GON4L: variants seen among roughly 807,000 people sequenced by gnomAD.
GON4L encodes GON-4-like protein.
In GON4L, 87 loss-of-function variants were observed where a neutral mutation model predicts 211.8. The observed-to-expected ratio is 0.41, with a 90% CI of 0.35 to 0.49. The LOEUF (loss-of-function observed/expected upper bound fraction) is 0.49, where lower values mean the gene tolerates loss of function less well. Among genes scored for constraint, GON4L ranks in the 20% least tolerant of loss-of-function variants. GON4L has a pLI of 0.15. For missense variants in GON4L, 2,155 were observed against 2,659.5 expected (o/e 0.81, Z 4.17); for synonymous variants, 875 against 962.6 (o/e 0.91, Z 1.68).
rs3738584 is a variant in GON4L, at chr1:155,814,263, C to T, written c.1281+67G>A. ...AGAATCACCATGGATAAATAATCTA[C>T]TTATACAGTTAAAAAATCTACTTAG... On this transcript the variant is annotated intron_variant, in intron 9 of 31. Coordinates refer to ENST00000368331, the MANE Select transcript of GON4L (RefSeq NM_001282860.2). 119 of 1,411,248 alleles carry T rather than the reference C, an allele frequency of 8.4e-5. No homozygotes were observed. In the East Asian group the frequency reaches 2.6e-3, roughly 31 times the overall value. The allele number at this position is 1,411,248 out of a possible 1,614,324, so 87.4% of individuals were successfully genotyped here.
At position 155,786,691 on chromosome 1, in the gene GON4L, C is replaced by T. The variant is rs543907091; in HGVS notation, c.1748-1317G>A. ...GTAAAGCTGAAAGGGACTGCCAATC[C>T]AACAGACGGAAAATTCAAAATTATA... On this transcript the variant is annotated intron_variant, in intron 12 of 31. Transcript: ENST00000368331. Among the ~76,000 whole-genome samples the T allele has an allele frequency of 1.7e-4, 26 of 152,272 alleles. No homozygotes were observed. In the East Asian group the frequency reaches 5.0e-3, roughly 29 times the overall value.
chr1:155,845,722 C>T (rs1571928203), intron 2 of GON4L: 1 of 295,192 alleles, frequency 3.4e-6, no homozygotes, highest in East Asian at 8.9e-5. Flanking sequence ...ACTGCCGTAA[C>T]TCAGTATTGG....
chr1:155,812,704 C>T (rs758885685), intron 10 of GON4L, among the ~76,000 whole-genome samples: 15 of 151,906 alleles, frequency 9.9e-5, no homozygotes, highest in Non-Finnish European at 1.6e-4. Context: ...TACAGGCATG[C>T]GCCACGACAC....
intron 11 of GON4L, among the ~76,000 whole-genome samples, chr1:155,797,625 C>G (rs1382145246): frequency 6.6e-6 from 1 of 150,756 alleles, no homozygotes; most frequent in Non-Finnish European, 1.5e-5. Flanking sequence ...GGGAAGATCA[C>G]TTGAGGTCAG....
At chr1:155,837,374 C>G (rs1571907231) in intron 2 of GON4L, among the ~76,000 whole-genome samples, 1 of 151,680 alleles carries the variant, frequency 6.6e-6, no homozygotes, top group East Asian at 1.9e-4. Flanking sequence ...AAGGACACGC[C>G]CTGAACAACA....
intron 11 of GON4L, among the ~76,000 whole-genome samples, chr1:155,796,444 A>G (rs1286309650): frequency 6.6e-6 from 1 of 151,810 alleles, no homozygotes; most frequent in African/African-American, 2.4e-5. Context: ...CGCCCGGCTA[A>G]TTTTTCTATT....
chr1:155,751,908 A>G, intron 30 of GON4L, 39 bp from the exon 31 acceptor site: 3 of 1,612,762 alleles, frequency 1.9e-6, no homozygotes, highest in Non-Finnish European at 1.7e-6. Context: ...AGGGAGCCAC[A>G]TGGATGTGGT....
chr1:155,774,628 A>G (rs1663586032), intron 17 of GON4L, among the ~76,000 whole-genome samples: 2 of 152,138 alleles, frequency 1.3e-5, no homozygotes, highest in Non-Finnish European at 1.5e-5. Flanking sequence ...TAATGAAGAC[A>G]GTAAAAAGCT....
At chr1:155,840,444 T>C (rs1670667006) in intron 2 of GON4L, among the ~76,000 whole-genome samples, 1 of 152,192 alleles carries the variant, frequency 6.6e-6, no homozygotes, top group Non-Finnish European at 1.5e-5. Flanking sequence ...AATCCTAGCT[T>C]GATTGTCTGG....
chr1:155,763,483 C>G lies in GON4L; in HGVS notation c.4555G>C (p.Glu1519Gln), dbSNP rs1165250221. ...TCTTCTTCTGGCTCAGAGTTCTCCT[C>G]CTGAGAATTCTCTTCTTCAGACTCA... is the stretch of plus-strand genomic sequence containing the variant. ...EGESEEENSQEENSEPEEEEE... is the reference protein window; with the variant it reads ...EGESEEENSQQENSEPEEEEE... The change falls in exon 22 of 32, where the codon GAG becomes CAG. Residue 1519 changes from glutamate (E) to glutamine (Q), a missense_variant. Glu to Gln is a conservative substitution (Grantham distance 29). Around this residue, in one of 6 missense-constraint regions of GON4L, gnomAD observed 35 missense variants for 73.9 expected, o/e 0.47. Coordinates refer to ENST00000368331, the MANE Select transcript of GON4L (RefSeq NM_001282860.2). The G allele has an allele frequency of 4.5e-6, 7 of 1,551,744 alleles. No individual in the cohort carries two copies. In the Admixed American group the frequency reaches 1.4e-4, roughly 30 times the overall value.
intron 27 of GON4L, 33 bp from the exon 28 acceptor site, chr1:155,754,521 G>GTTTT: frequency 1.7e-6 from 1 of 601,076 alleles, no homozygotes; most frequent in Non-Finnish European, 2.9e-6. Context: ...TAGCTGCCAA[G>GTTTT]TTGTTTTTTT....
At chr1:155,819,544 C>T (rs1668559471) in intron 6 of GON4L, among the ~76,000 whole-genome samples, 1 of 152,010 alleles carries the variant, frequency 6.6e-6, no homozygotes, top group African/African-American at 2.4e-5. Flanking sequence ...GCATGAGCCA[C>T]CAAGCCCAGC....
chr1:155,802,915 C>T (rs1423087527), intron 11 of GON4L, among the ~76,000 whole-genome samples: 1 of 152,150 alleles, frequency 6.6e-6, no homozygotes, highest in East Asian at 1.9e-4. Context: ...AAGATCTCAC[C>T]ACTGCACTCC....
chr1:155,746,279 C>CA (rs750749598), downstream of GON4L: 162 of 632,372 alleles, frequency 2.6e-4, 3 homozygotes, highest in South Asian at 6.8e-4. Context: ...AACATGCCAA[C>CA]ACTCGAGGGG....
intron 21 of GON4L, among the ~76,000 whole-genome samples, 152 bp from the exon 22 acceptor site, chr1:155,763,716 C>T (rs998767873): frequency 6.6e-6 from 1 of 152,120 alleles, no homozygotes; most frequent in African/African-American, 2.4e-5. Context: ...GAAATCCCAG[C>T]AATGGGCCAG....
chr1:155,769,260 G>GCCAC (rs890271739), intron 19 of GON4L, among the ~76,000 whole-genome samples: 28 of 152,094 alleles, frequency 1.8e-4, no homozygotes, highest in African/African-American at 6.8e-4. Flanking sequence ...ACAGGCCTGA[G>GCCAC]CCACCGTGTA....
chr1:155,789,811 C>T (rs1665340152), intron 12 of GON4L, among the ~76,000 whole-genome samples: 1 of 152,052 alleles, frequency 6.6e-6, no homozygotes, highest in South Asian at 2.1e-4. Context: ...TCTGAGGATG[C>T]TCAAGTCCCT....
At chr1:155,842,603 C>T (rs900029966) in intron 2 of GON4L, among the ~76,000 whole-genome samples, 6 of 151,106 alleles carry the variant, frequency 4.0e-5, no homozygotes, top group Admixed American at 1.3e-4. Context: ...TTTGGGAGGC[C>T]GAGGTGGGTG....
chr1:155,748,753 T>C, downstream of GON4L: 2 of 1,614,152 alleles, frequency 1.2e-6, no homozygotes, highest in East Asian at 4.5e-5. Context: ...GCCCAGTCAG[T>C]GGTGCTGAGG....
Sources: gnomAD v4.1 joint callset for allele counts (sites outside exome capture counted in the v4.1 genomes callset) on GRCh38, gnomAD v4.1.1 for gene constraint, gnomAD v4.1.1 regional missense constraint, MANE v1.5 for transcripts, NCBI Gene and HGNC (gene_info 2026-07-23, HGNC 2026-07-21) for gene names.